SLC22A25: variants seen among roughly 807,000 people sequenced by gnomAD.
SLC22A25 encodes the protein solute carrier family 22 member 25, also known as MGI:2442751, MGI:2385316, MGI:3042283, MGI:3645714, MGI:3605624, MGI:2442750.
A neutral mutation model predicts 45.9 loss-of-function variants in SLC22A25; 44 were observed. That is an observed-to-expected ratio of 0.96 (90% CI 0.75 to 1.23). The LOEUF (loss-of-function observed/expected upper bound fraction) is 1.23, where lower values mean the gene tolerates loss of function less well. Among genes scored for constraint, SLC22A25 ranks in the 50% most tolerant of loss-of-function variants. The probability of loss-of-function intolerance (pLI) is 0.00; values close to 1 mark genes in which losing one functional copy is unlikely to be tolerated. For synonymous variants in SLC22A25, 283 were observed against 238.6 expected, an observed-to-expected ratio of 1.19 and a Z score of -1.72; for missense variants, 800 against 666.4, an observed-to-expected ratio of 1.20 and a Z score of -2.21.
intron 9 of SLC22A25, among the ~76,000 whole-genome samples, chr11:63,180,456 T>A (rs187718038): frequency 6.9e-4 from 105 of 152,312 alleles, no homozygotes; most frequent in Non-Finnish European, 4.0e-4. Flanking sequence ...GGTAGAATGA[T>A]GTTATAAACA....
intron 7 of SLC22A25, among the ~76,000 whole-genome samples, chr11:63,210,724 A>G (rs2089535181): frequency 6.6e-6 from 1 of 151,960 alleles, no homozygotes; most frequent in African/African-American, 2.4e-5. Flanking sequence ...GGTGCTGATT[A>G]CTCTGTGGTA....
chr11:63,205,607 G>A (rs527540304), intron 7 of SLC22A25, among the ~76,000 whole-genome samples: 1 of 152,278 alleles, frequency 6.6e-6, no homozygotes, highest in Non-Finnish European at 1.5e-5. Context: ...AAACCAGGAA[G>A]AAGTTGAATC....
At chr11:63,210,333 C>G (rs988084031) in intron 7 of SLC22A25, among the ~76,000 whole-genome samples, 1 of 152,196 alleles carries the variant, frequency 6.6e-6, no homozygotes, top group African/African-American at 2.4e-5. Context: ...TGATTTATAG[C>G]TGCTGCACTA....
At chr11:63,195,639 A>T (rs1474557364) in intron 7 of SLC22A25, among the ~76,000 whole-genome samples, 5 of 152,212 alleles carry the variant, frequency 3.3e-5, no homozygotes, top group Non-Finnish European at 1.5e-5. Flanking sequence ...CTAAATGCCC[A>T]CAAGAGAAAG....
intron 7 of SLC22A25, among the ~76,000 whole-genome samples, chr11:63,190,958 C>A (rs571704222): frequency 1.8e-4 from 28 of 152,334 alleles, no homozygotes; most frequent in African/African-American, 6.5e-4. Context: ...TCTGCCCCTA[C>A]TGGGGGCTGC....
In SLC22A25 at chr11:63,231,451, T is replaced by C. The variant is rs142239070; in HGVS notation, c.-444-1355A>G. Among the ~76,000 whole-genome samples, 530 of 152,340 alleles carry C rather than the reference T, an allele frequency of 3.5e-3. 5 individuals are homozygous for C. The highest frequency in any genetic ancestry group is 0.012 in the African/African-American group (514 of 41,580). On this transcript the variant is annotated intron_variant, in intron 3 of 11. Coordinates refer to ENST00000306494, the MANE Select transcript of SLC22A25 (RefSeq NM_199352.6). ...TCTTTTGACTGCATAAATGTCTTCT[T>C]TTGAGAAGCATCTGTTCATATACTT...
intron 9 of SLC22A25, among the ~76,000 whole-genome samples, chr11:63,177,887 A>ATATATATATATAATGTATATATATAC: frequency 1.2e-5 from 1 of 86,618 alleles, no homozygotes; most frequent in African/African-American, 4.3e-5. Context: ...TATATATATA[A>ATATATATATATAATGTATATATATAC]TATATATATA....
At chr11:63,201,173 A>C (rs573112313) in intron 7 of SLC22A25, among the ~76,000 whole-genome samples, 1 of 152,348 alleles carries the variant, frequency 6.6e-6, no homozygotes, top group African/African-American at 2.4e-5. Flanking sequence ...ATATGAAACC[A>C]AAAAGGAGCC....
At chr11:63,210,774 A>G (rs1024763771) in intron 7 of SLC22A25, among the ~76,000 whole-genome samples, 2 of 152,168 alleles carry the variant, frequency 1.3e-5, no homozygotes, top group Non-Finnish European at 2.9e-5. Context: ...CTGTGCTACT[A>G]TCGTAGGGGC....
At chr11:63,180,013 G>GT (rs1162405867) in intron 9 of SLC22A25, among the ~76,000 whole-genome samples, 1 of 152,132 alleles carries the variant, frequency 6.6e-6, no homozygotes, top group African/African-American at 2.4e-5. Context: ...GGCATGAGCT[G>GT]TAACAACTTT....
rs550530173 is a variant in SLC22A25, at chr11:63,162,270, C to T, written c.*1554G>A. Among the ~76,000 whole-genome samples the T allele has an allele frequency of 4.6e-5, 7 of 152,112 alleles. No homozygotes were observed. Among genetic ancestry groups the T allele is most frequent in the East Asian group, 1.9e-4 (1 of 5,190 alleles). ...TGCTGTGCAGAAGTTTTTTAACTTG[C>T]TGTGATCCCATTTGTCCACATTTGC... On this transcript the variant is annotated 3_prime_UTR_variant, in exon 12 of 12. Transcript: ENST00000306494.
intron 9 of SLC22A25, among the ~76,000 whole-genome samples, chr11:63,178,417 T>C (rs889973539): frequency 1.3e-5 from 2 of 152,120 alleles, no homozygotes; most frequent in Admixed American, 6.6e-5. Context: ...GTGGCTGTAC[T>C]GATTTATATT....
chr11:63,171,515 T>C (rs1054943250), intron 9 of SLC22A25, among the ~76,000 whole-genome samples: 5 of 151,898 alleles, frequency 3.3e-5, no homozygotes, highest in African/African-American at 1.2e-4. Flanking sequence ...TCATCAACAA[T>C]AGACAAACAG....
At chr11:63,203,475 A>AG (rs2089308280) in intron 7 of SLC22A25, among the ~76,000 whole-genome samples, 1 of 152,012 alleles carries the variant, frequency 6.6e-6, no homozygotes, top group Non-Finnish European at 1.5e-5. Flanking sequence ...GACCTGATGG[A>AG]GCTGCAAAAC....
intron 9 of SLC22A25, 191 bp from the exon 10 acceptor site, chr11:63,166,449 A>G: frequency 7.1e-7 from 1 of 1,412,464 alleles, no homozygotes; most frequent in Non-Finnish European, 9.2e-7. Context: ...AGTGGTAACA[A>G]TTGTATCTTG....
At position 63,160,417 on chromosome 11, in the gene SLC22A25, T is replaced by TA. The variant is rs2087523801; in HGVS notation, c.*3406dup. Among the ~76,000 whole-genome samples, 1 of 152,170 alleles carries TA rather than the reference T, an allele frequency of 6.6e-6. No homozygotes were observed. Among genetic ancestry groups the TA allele is most frequent in the Non-Finnish European group, 1.5e-5 (1 of 68,026 alleles). ...GACAGCTTCCATGTGGTGTTGAGCC[T>TA]ACAGGTGCAAAGAAGTCAAGAATTG... On this transcript the variant is annotated 3_prime_UTR_variant, in exon 12 of 12. Coordinates refer to ENST00000306494, the MANE Select transcript of SLC22A25 (RefSeq NM_199352.6).
chr11:63,215,804 T>C (rs958288343), intron 7 of SLC22A25, among the ~76,000 whole-genome samples: 1 of 152,164 alleles, frequency 6.6e-6, no homozygotes, highest in Admixed American at 6.6e-5. Flanking sequence ...CCAGTGTTTA[T>C]TGTTTTCTTC....
At chr11:63,197,897 G>A (rs972901703) in intron 7 of SLC22A25, among the ~76,000 whole-genome samples, 12 of 151,680 alleles carry the variant, frequency 7.9e-5, no homozygotes, top group South Asian at 4.2e-4. Context: ...AAACAACCCC[G>A]TCAAAAAGTG....
intron 9 of SLC22A25, 174 bp from the exon 10 acceptor site, chr11:63,166,432 A>G: frequency 7.0e-7 from 1 of 1,428,560 alleles, no homozygotes; most frequent in Non-Finnish European, 9.1e-7. Flanking sequence ...AATAATGGTT[A>G]GATGATAGTG....
Sources: allele counts gnomAD v4.1 joint callset (sites outside exome capture counted in the v4.1 genomes callset), GRCh38; gene constraint gnomAD v4.1.1; transcripts MANE v1.5; gene names NCBI Gene and HGNC (gene_info 2026-07-23, HGNC 2026-07-21).